Variants in RORA observed in about 807,000 individuals in gnomAD.
RORA encodes RAR related orphan receptor A.
Under a neutral mutation model 69.5 loss-of-function variants are expected in RORA, and 7 were observed. That is an observed-to-expected ratio of 0.10 (90% CI 0.06 to 0.19). The LOEUF (loss-of-function observed/expected upper bound fraction) is 0.19, where lower values mean the gene tolerates loss of function less well. Ranked by LOEUF, RORA falls within the 10% of genes least tolerant of loss-of-function variation. The pLI is 1.00. For missense variants in RORA, 457 were observed against 663.0 expected, an observed-to-expected ratio of 0.69 and a Z score of 3.41; for synonymous variants, 261 against 240.8, an observed-to-expected ratio of 1.08 and a Z score of -0.78.
chr15:60,845,636 T>C (rs943568931), intron 1 of RORA, among the ~76,000 whole-genome samples: 8 of 152,244 alleles, frequency 5.3e-5, no homozygotes, highest in East Asian at 1.9e-4. Context: ...TTCTCATTTA[T>C]AAATTGGGAC....
rs4774364 is a variant in RORA, at chr15:60,503,755, C to T, written c.943-88G>A. The T allele has an allele frequency of 3.5e-5, 53 of 1,526,238 alleles. 1 individual carries two copies. In the Admixed American group the frequency reaches 8.8e-4, roughly 25 times the overall value. The allele number at this position is 1,526,238 out of a possible 1,614,324, so 94.5% of individuals were successfully genotyped here. A position where few individuals can be genotyped will look rare whatever the true frequency, so the allele number is the denominator to read the frequency against. On this transcript the variant is annotated intron_variant, in intron 6 of 10. Coordinates refer to ENST00000335670, the MANE Select transcript of RORA (RefSeq NM_134261.3). ...GCAGAGTTATGAAAGCAAAGCATGC[C>T]ACTGCTTTAGCCCTGGGCCACGAAG...
At chr15:61,020,943 T>A (rs4775348) in intron 1 of RORA, among the ~76,000 whole-genome samples, 135,051 of 152,260 alleles carry the variant, frequency 0.89, 60,135 homozygotes, top group East Asian at 1. Flanking sequence ...CAACTGACAG[T>A]GGCCTAAACA....
intron 1 of RORA, chr15:60,765,403 C>T (rs1047626416): frequency 1.3e-5 from 2 of 152,008 alleles, no homozygotes; most frequent in African/African-American, 4.8e-5. Flanking sequence ...CTACTTGTTC[C>T]TAAGTATTGC....
At chr15:60,803,843 C>A (rs1567196918) in intron 1 of RORA, among the ~76,000 whole-genome samples, 4 of 152,196 alleles carry the variant, frequency 2.6e-5, no homozygotes, top group Non-Finnish European at 5.9e-5. Context: ...TTCTGACCCA[C>A]AATATGGAGA....
At chr15:60,887,974 A>T (rs139754047) in intron 1 of RORA, among the ~76,000 whole-genome samples, 5 of 152,158 alleles carry the variant, frequency 3.3e-5, no homozygotes, top group Admixed American at 1.3e-4. Context: ...AAAATCTAAA[A>T]ATTAGCCCGA....
chr15:60,981,098 T>TG (rs1395012240), intron 1 of RORA, among the ~76,000 whole-genome samples: 1 of 56,710 alleles, frequency 1.8e-5, no homozygotes, highest in East Asian at 1.2e-3. Context: ...TGGTTTACAG[T>TG]ATTTTTTTTT....
At chr15:60,750,656 A>G (rs1485502424) in intron 1 of RORA, among the ~76,000 whole-genome samples, 1 of 152,220 alleles carries the variant, frequency 6.6e-6, no homozygotes, top group Non-Finnish European at 1.5e-5. Context: ...TTAGAGGAAA[A>G]AGAGCAAAAG....
intron 1 of RORA, among the ~76,000 whole-genome samples, chr15:60,843,636 T>C (rs2073228804): frequency 2.0e-5 from 3 of 151,938 alleles, no homozygotes; most frequent in Non-Finnish European, 4.4e-5. Flanking sequence ...AAGGACGCTT[T>C]CAAGATTCAC....
chr15:60,728,904 A>G (rs762652422), intron 1 of RORA, among the ~76,000 whole-genome samples: 4 of 152,224 alleles, frequency 2.6e-5, no homozygotes, highest in Non-Finnish European at 5.9e-5. Flanking sequence ...TAATAAAATT[A>G]TAATATAAAT....
rs1287694071 is a variant in RORA at position 60,703,190 on chromosome 15, AC to A, written c.167-24505del. Among the ~76,000 whole-genome samples, 4 of 151,592 alleles carry A rather than the reference AC, an allele frequency of 2.6e-5. No individual in the cohort carries two copies. In the South Asian group the frequency reaches 8.4e-4, roughly 32 times the overall value. ...TCTCTTTTCTAAAGCACACAAAGAA[AC>A]CTCCCATCACATATATTGACAAGAT... On this transcript the variant is annotated intron_variant, in intron 1 of 10. Coordinates refer to ENST00000335670, the MANE Select transcript of RORA (RefSeq NM_134261.3).
chr15:60,498,530 G>C (rs369511455), intron 10 of RORA, among the ~76,000 whole-genome samples: 4 of 152,322 alleles, frequency 2.6e-5, no homozygotes, highest in African/African-American at 9.6e-5. Context: ...CCATTTACCA[G>C]CTGAGGGTAA....
chr15:60,798,793 C>A (rs540012982), intron 1 of RORA, among the ~76,000 whole-genome samples: 2 of 152,190 alleles, frequency 1.3e-5, no homozygotes, highest in South Asian at 2.1e-4. Context: ...CCCTCTCTGA[C>A]CCCTAATTTC....
intron 1 of RORA, among the ~76,000 whole-genome samples, chr15:61,140,498 T>C (rs2079287840): frequency 6.6e-6 from 1 of 152,164 alleles, no homozygotes; most frequent in South Asian, 2.1e-4. Flanking sequence ...AATTGTTATC[T>C]GCTTGAACTC....
intron 1 of RORA, among the ~76,000 whole-genome samples, chr15:61,024,026 G>C (rs552229078): frequency 6.6e-6 from 1 of 152,254 alleles, no homozygotes; most frequent in African/African-American, 2.4e-5. Flanking sequence ...GCATGAACGA[G>C]TGTTGGGAGT....
chr15:60,962,216 G>GCTACA (rs1893433495), intron 1 of RORA, among the ~76,000 whole-genome samples: 1 of 152,148 alleles, frequency 6.6e-6, no homozygotes, highest in Non-Finnish European at 1.5e-5. Context: ...ACAGAAATTT[G>GCTACA]GCATTTCCTG....
intron 1 of RORA, among the ~76,000 whole-genome samples, chr15:60,826,375 G>A (rs886437672): frequency 2.6e-5 from 4 of 152,116 alleles, no homozygotes; most frequent in Non-Finnish European, 5.9e-5. Context: ...CTTGGGTCCC[G>A]GGTGCTAAAA....
intron 1 of RORA, among the ~76,000 whole-genome samples, chr15:60,845,072 TAAAGTG>T (rs1183932751): frequency 6.6e-6 from 1 of 152,072 alleles, no homozygotes; most frequent in African/African-American, 2.4e-5. Context: ...ATATTATAGT[TAAAGTG>T]AAATTCACAA....
chr15:60,809,381 C>G (rs1264672722), intron 1 of RORA, among the ~76,000 whole-genome samples: 1 of 152,120 alleles, frequency 6.6e-6, no homozygotes, highest in East Asian at 1.9e-4. Context: ...TGTACCTGCA[C>G]GTTAAAGAGA....
intron 1 of RORA, among the ~76,000 whole-genome samples, chr15:60,960,657 T>G (rs903881610): frequency 6.6e-6 from 1 of 151,970 alleles, no homozygotes. Flanking sequence ...TTTTTTTTTT[T>G]TCTAAAAACA....
Sources: allele counts gnomAD v4.1 joint callset (sites outside exome capture counted in the v4.1 genomes callset), GRCh38; gene constraint gnomAD v4.1.1; transcripts MANE v1.5; gene names NCBI Gene and HGNC (gene_info 2026-07-23, HGNC 2026-07-21).